Variants in ELF4 observed in about 807,000 individuals in gnomAD.
ELF4 encodes the protein ETS-related transcription factor Elf-4.
In ELF4, 10 loss-of-function variants were observed where a neutral mutation model predicts 31.7. That is an observed-to-expected ratio of 0.32 (90% CI 0.19 to 0.54). ELF4 has a LOEUF of 0.54. Among genes scored for constraint, ELF4 ranks in the 20% least tolerant of loss-of-function variants. ELF4 has a pLI of 0.95. For synonymous variants in ELF4, 208 were observed against 226.7 expected (o/e 0.92, Z 0.74); for missense variants, 418 against 522.0 (o/e 0.80, Z 1.94).
At chrX:130,105,854 CTGTG>C (rs60216838) in intron 1 of ELF4, among the ~76,000 whole-genome samples, 7,434 of 86,337 alleles carry the variant, frequency 0.086, 278 homozygotes, top group Middle Eastern at 0.2. Context: ...CCCCAGGGGC[CTGTG>C]TGTGTGTGTG....
intron 1 of ELF4, among the ~76,000 whole-genome samples, chrX:130,084,770 G>C (rs1460642435): frequency 8.9e-6 from 1 of 112,022 alleles, no homozygotes; most frequent in Non-Finnish European, 1.9e-5. Context: ...ATTTGAAAGT[G>C]AGAGGTGGAG....
chrX:130,087,839 T>C (rs1304647546), intron 1 of ELF4, among the ~76,000 whole-genome samples: 1 of 111,783 alleles, frequency 8.9e-6, no homozygotes. Flanking sequence ...ATTTAGCATG[T>C]CTTTACCTAG....
chrX:130,069,826 A>C, intron 7 of ELF4, 149 bp from the exon 8 acceptor site: 2 of 803,179 alleles, frequency 2.5e-6, no homozygotes, highest in Non-Finnish European at 1.8e-6. Flanking sequence ...GCCCAAGGGC[A>C]AGGGAAAGGA....
In ELF4 at chrX:130,069,471, G is replaced by A. The variant is rs145139506; in HGVS notation, c.1016C>T (p.Ala339Val). The A allele has an allele frequency of 1.7e-6, 2 of 1,211,257 alleles. No homozygotes were observed. The highest frequency in any genetic ancestry group is 3.5e-5 in the African/African-American group (2 of 57,552). ...AGAAGAGCTGCCCTTGCCCTGGGGG[G>A]CAGATCTGGATGAGACCCTGGAGCT... The part of the protein sequence containing the change: ...RTSSRVSSRS[A>V]PQGKGSSSWE... The change falls in exon 8 of 9, where the codon GCC becomes GTC. Residue 339 changes from alanine to valine, a missense_variant. Physicochemically the swap from Ala to Val is moderately conservative, Grantham distance 64. This residue lies in a region of ELF4 where 260 missense variants were observed against 269.2 expected (regional missense o/e 0.97). Transcript: ENST00000308167.
At chrX:130,070,787 AAAAGAAAG>A (rs3077208) in intron 7 of ELF4, among the ~76,000 whole-genome samples, 117 of 92,730 alleles carry the variant, frequency 1.3e-3, no homozygotes, top group African/African-American at 3.7e-3. Flanking sequence ...AAAAAAAAAA[AAAAGAAAG>A]AAAGAAAGAA....
chrX:130,095,569 C>G (rs1461094955), intron 1 of ELF4, among the ~76,000 whole-genome samples: 1 of 111,572 alleles, frequency 9.0e-6, no homozygotes, highest in Admixed American at 9.6e-5. Context: ...AGAGGCTTCC[C>G]AGGCTTGTGT....
intron 1 of ELF4, among the ~76,000 whole-genome samples, chrX:130,086,361 T>C (rs1202072323): frequency 8.9e-6 from 1 of 112,056 alleles, no homozygotes; most frequent in African/African-American, 3.2e-5. Context: ...CCAGGGTTCT[T>C]CCCCAGTTAC....
At chrX:130,104,940 C>T (rs1424984937) in intron 1 of ELF4, among the ~76,000 whole-genome samples, 1 of 110,596 alleles carries the variant, frequency 9.0e-6, no homozygotes, top group African/African-American at 3.3e-5. Flanking sequence ...AGGTGGATCA[C>T]CTGAGGTCAG....
intron 1 of ELF4, among the ~76,000 whole-genome samples, chrX:130,102,877 AG>A (rs1569410534): frequency 0.13 from 6,427 of 50,342 alleles, 299 homozygotes; most frequent in African/African-American, 0.17. Context: ...AGAGAGAGAG[AG>A]AGAGAGAGAA....
intron 1 of ELF4, among the ~76,000 whole-genome samples, chrX:130,099,927 G>A (rs941576035): frequency 9.9e-5 from 11 of 111,621 alleles, no homozygotes; most frequent in African/African-American, 2.6e-4. Context: ...ATGAGCCACC[G>A]CCTGCCTCTT....
chrX:130,106,365 T>C (rs1046530502), intron 1 of ELF4, among the ~76,000 whole-genome samples: 1 of 110,753 alleles, frequency 9.0e-6, no homozygotes, highest in Non-Finnish European at 1.9e-5. Context: ...TTCTCTCATC[T>C]CCCCCACGGC....
At position 130,063,970 on chromosome X, in the gene ELF4, T is replaced by C. The variant is rs1334131716; in HGVS notation, c.*2751A>G. On this transcript the variant is annotated 3_prime_UTR_variant, in exon 9 of 9. Coordinates refer to ENST00000308167, the MANE Select transcript of ELF4 (RefSeq NM_001421.4). ...CGTGACGGCCTTTTTGTTTGCTTGA[T>C]TTTTATTATTATTATTATTATTATT... Among the ~76,000 whole-genome samples, 1 of 71,278 alleles carries C rather than the reference T, an allele frequency of 1.4e-5. No individual in the cohort carries two copies. Among genetic ancestry groups the C allele is most frequent in the Non-Finnish European group, 2.4e-5 (1 of 41,895 alleles). 61.9% of individuals were successfully genotyped at this position (71,278 alleles called of 115,157 possible). A position where few individuals can be genotyped will look rare whatever the true frequency, so the allele number is the denominator to read the frequency against.
Position 130,069,737 on chromosome X carries a change from C to T in ELF4, c.810-60G>A. 3.3e-6 allele frequency: 4 copies of T among 1,196,086 alleles called. No homozygotes were observed. In the Admixed American group the frequency reaches 6.5e-5, roughly 20 times the overall value. On this transcript the variant is annotated intron_variant, in intron 7 of 8. Transcript: ENST00000308167. Reference sequence around the variant, plus strand: ...CGGGAGCTGGGTGGGAGACCTTCTACCTCCATCTCCCCAGTGCTCCTCCCC... The same window carrying T: ...CGGGAGCTGGGTGGGAGACCTTCTATCTCCATCTCCCCAGTGCTCCTCCCC...
intron 1 of ELF4, among the ~76,000 whole-genome samples, chrX:130,083,108 A>G (rs775822017): frequency 6.2e-5 from 1 of 16,145 alleles, no homozygotes; most frequent in Non-Finnish European, 1.2e-4. Flanking sequence ...CCTCACCCTC[A>G]CCCCCACACC....
chrX:130,070,325 T>C lies in ELF4; in HGVS notation c.810-648A>G, dbSNP rs775118797. On this transcript the variant is annotated intron_variant, in intron 7 of 8. Transcript: ENST00000308167. ...CCGTGACTCACGCCTGTAATCCCAG[T>C]GCTTTGGGAGGCCGAGGTGGGCAGA... 1.9e-3 allele frequency among the ~76,000 whole-genome samples: 214 copies of C among 110,340 alleles called. 2 individuals carry two copies. Among genetic ancestry groups the C allele is most frequent in the African/African-American group, 6.6e-3 (200 of 30,351 alleles).
chrX:130,084,217 C>T, intron 1 of ELF4, among the ~76,000 whole-genome samples: 1 of 112,392 alleles, frequency 8.9e-6, no homozygotes, highest in African/African-American at 3.2e-5. Flanking sequence ...GTTCCTCCTC[C>T]GGGCCAGCCT....
intron 8 of ELF4, among the ~76,000 whole-genome samples, chrX:130,068,412 C>G (rs1321725632): frequency 8.9e-6 from 1 of 112,191 alleles, no homozygotes; most frequent in African/African-American, 3.2e-5. Flanking sequence ...GTAAGCACTA[C>G]AGCAGGGCCT....
intron 1 of ELF4, among the ~76,000 whole-genome samples, chrX:130,087,788 G>C (rs1161090581): frequency 1.3e-4 from 15 of 112,097 alleles, no homozygotes. Flanking sequence ...CCAATTCCCT[G>C]GTCTGATTCG....
intron 1 of ELF4, among the ~76,000 whole-genome samples, chrX:130,101,554 A>T: frequency 9.0e-6 from 1 of 111,587 alleles, no homozygotes; most frequent in Non-Finnish European, 1.9e-5. Context: ...GCACTTTGGA[A>T]GGCCGAGGCG....
Sources: allele counts gnomAD v4.1 joint callset (sites outside exome capture counted in the v4.1 genomes callset), GRCh38; gene constraint gnomAD v4.1.1; regional missense constraint gnomAD v4.1.1; transcripts MANE v1.5; gene names NCBI Gene and HGNC (gene_info 2026-07-23, HGNC 2026-07-21).